CADM2: variants seen among roughly 807,000 people sequenced by gnomAD.
The protein encoded by CADM2 is immunoglobulin superfamily member 4D.
CADM2 carries 12 observed loss-of-function variants against 49.8 expected under a neutral mutation model. That is an observed-to-expected ratio of 0.24 (90% CI 0.15 to 0.39). CADM2 has a LOEUF of 0.39. Among genes scored for constraint, CADM2 ranks in the 10% least tolerant of loss-of-function variants. The pLI is 1.00. For synonymous variants in CADM2, 214 were observed against 175.4 expected (o/e 1.22, Z -1.74); for missense variants, 378 against 492.3 (o/e 0.77, Z 2.20).
intron 1 of CADM2, among the ~76,000 whole-genome samples, chr3:85,070,425 G>T (rs545513198): frequency 6.6e-6 from 1 of 152,204 alleles, no homozygotes; most frequent in East Asian, 1.9e-4. Flanking sequence ...TAGATTGCCT[G>T]GGATTATTTG....
At chr3:86,027,118 AT>A (rs1157814702) in intron 8 of CADM2, among the ~76,000 whole-genome samples, 1 of 152,140 alleles carries the variant, frequency 6.6e-6, no homozygotes, top group Non-Finnish European at 1.5e-5. Flanking sequence ...GTTCATCATC[AT>A]TTATTTTTAA....
At chr3:85,161,594 A>G (rs2040326556) in intron 1 of CADM2, among the ~76,000 whole-genome samples, 1 of 152,170 alleles carries the variant, frequency 6.6e-6, no homozygotes, top group African/African-American at 2.4e-5. Context: ...AAAATGAATG[A>G]GTGCAGGAAC....
intron 1 of CADM2, among the ~76,000 whole-genome samples, chr3:85,158,873 A>C (rs190613607): frequency 6.6e-5 from 10 of 152,048 alleles, no homozygotes; most frequent in African/African-American, 2.4e-4. Context: ...AAAAAATAAA[A>C]ATTTAAAAAA....
chr3:85,439,155 C>CTTTT (rs373522509), intron 1 of CADM2, among the ~76,000 whole-genome samples: 346 of 141,072 alleles, frequency 2.5e-3, no homozygotes, highest in African/African-American at 7.9e-3. Context: ...CTTATAATGA[C>CTTTT]TTTTTTTTTT....
rs146705821 is a variant in CADM2 at position 85,565,096 on chromosome 3, A to G, written c.62-161426A>G. ...TATGGTGTTCTTAATTGCAGATGGTATCATGCCAATTTATCCATACCTCAT... is the reference window on the plus strand; with the variant it reads ...TATGGTGTTCTTAATTGCAGATGGTGTCATGCCAATTTATCCATACCTCAT... On this transcript the variant is annotated intron_variant, in intron 1 of 9. Transcript: ENST00000383699. 1.1e-3 allele frequency among the ~76,000 whole-genome samples: 175 copies of G among 152,210 alleles called. 2 individuals are homozygous for G. The highest frequency in any genetic ancestry group is 3.9e-3 in the African/African-American group (164 of 41,576).
intron 5 of CADM2, among the ~76,000 whole-genome samples, chr3:85,899,931 C>T (rs1193662572): frequency 2.0e-5 from 3 of 152,098 alleles, no homozygotes; most frequent in Non-Finnish European, 4.4e-5. Context: ...GTCTGGAGTC[C>T]ACTCTTTGTC....
At chr3:85,478,700 G>T (rs548798826) in intron 1 of CADM2, among the ~76,000 whole-genome samples, 1 of 151,964 alleles carries the variant, frequency 6.6e-6, no homozygotes, top group African/African-American at 2.4e-5. Context: ...TTAATGCCTT[G>T]AAATTACATT....
At chr3:85,761,910 G>A (rs896320541) in intron 2 of CADM2, among the ~76,000 whole-genome samples, 1 of 152,156 alleles carries the variant, frequency 6.6e-6, no homozygotes, top group African/African-American at 2.4e-5. Context: ...TCGTCCAACA[G>A]GTAGGGAAAT....
intron 1 of CADM2, among the ~76,000 whole-genome samples, chr3:85,098,121 T>C (rs973384928): frequency 6.6e-6 from 1 of 152,150 alleles, no homozygotes; most frequent in African/African-American, 2.4e-5. Flanking sequence ...CATTAGTCTT[T>C]GTCTGCATGA....
intron 1 of CADM2, among the ~76,000 whole-genome samples, chr3:85,437,087 T>G (rs2036966115): frequency 6.6e-6 from 1 of 152,152 alleles, no homozygotes; most frequent in South Asian, 2.1e-4. Context: ...TGTCATGCAG[T>G]TGGAATCATA....
chr3:85,655,113 C>T (rs933836663), intron 1 of CADM2, among the ~76,000 whole-genome samples: 5 of 151,686 alleles, frequency 3.3e-5, no homozygotes, highest in African/African-American at 1.2e-4. Context: ...GCTAAAACCA[C>T]CAGGGTTCTA....
At chr3:85,363,560 A>G (rs1054102239) in intron 1 of CADM2, among the ~76,000 whole-genome samples, 3 of 152,102 alleles carry the variant, frequency 2.0e-5, no homozygotes, top group African/African-American at 7.2e-5. Context: ...TAAACTTTCC[A>G]CTATTTATTA....
intron 8 of CADM2, among the ~76,000 whole-genome samples, chr3:86,023,026 C>A (rs1733395069): frequency 6.6e-6 from 1 of 152,058 alleles, no homozygotes; most frequent in Non-Finnish European, 1.5e-5. Flanking sequence ...AATTATTTCT[C>A]TGGTTGAGAT....
intron 1 of CADM2, among the ~76,000 whole-genome samples, chr3:84,978,109 A>G (rs2031945960): frequency 6.6e-6 from 1 of 152,164 alleles, no homozygotes; most frequent in South Asian, 2.1e-4. Flanking sequence ...ACATTAAGAA[A>G]TTAATATAAA....
Position 86,069,635 on chromosome 3 carries a change from T to C in CADM2, c.*2852T>C, listed in dbSNP as rs934231453. On this transcript the variant is annotated 3_prime_UTR_variant, in exon 10 of 10. Transcript: ENST00000383699. ...TGGAACATGCACACTTGTGTGCACA[T>C]AGAGTCAATTTCTGTCTCTTCTAAG... The C allele has an allele frequency of 2.0e-5, 3 of 151,970 alleles. No individual in the cohort carries two copies. The highest frequency in any genetic ancestry group is 4.8e-5 in the African/African-American group (2 of 41,414). 9.4% of individuals were successfully genotyped at this position (151,970 alleles called of 1,614,324 possible). A position where few individuals can be genotyped will look rare whatever the true frequency, so the allele number is the denominator to read the frequency against.
At chr3:84,968,610 T>A (rs2031187097) in intron 1 of CADM2, among the ~76,000 whole-genome samples, 1 of 152,078 alleles carries the variant, frequency 6.6e-6, no homozygotes, top group Non-Finnish European at 1.5e-5. Flanking sequence ...TTGTGATACA[T>A]AATACAGTAT....
intron 1 of CADM2, among the ~76,000 whole-genome samples, chr3:85,523,914 A>T (rs2106912756): frequency 1.3e-5 from 2 of 152,256 alleles, no homozygotes; most frequent in Middle Eastern, 6.8e-3. Context: ...ACTGTAGCCC[A>T]ACAAAAAAAT....
At chr3:85,895,925 A>C (rs1715157103) in intron 5 of CADM2, among the ~76,000 whole-genome samples, 1 of 152,022 alleles carries the variant, frequency 6.6e-6, no homozygotes. Context: ...CTTTTTCTTT[A>C]TAAATTACTC....
intron 1 of CADM2, among the ~76,000 whole-genome samples, chr3:85,523,459 C>T (rs1053297993): frequency 1.6e-4 from 25 of 151,954 alleles, no homozygotes; most frequent in African/African-American, 6.0e-4. Flanking sequence ...AAATAAAGGG[C>T]TTAAGTATAT....
Sources: gnomAD v4.1 joint callset for allele counts (sites outside exome capture counted in the v4.1 genomes callset) on GRCh38, gnomAD v4.1.1 for gene constraint, MANE v1.5 for transcripts, NCBI Gene and HGNC (gene_info 2026-07-23, HGNC 2026-07-21) for gene names.